The following ZNF841 variants were observed in gnomAD, a reference collection of about 807,000 sequenced individuals.
ZNF841 encodes the protein TCONS_00006091.
Under a neutral mutation model 13.0 loss-of-function variants are expected in ZNF841, and 11 were observed. That is an observed-to-expected ratio of 0.85 (90% CI 0.53 to 1.40). ZNF841 has a LOEUF of 1.40. ZNF841 is among the 40% of genes most tolerant of loss of function. The pLI, the probability that ZNF841 is intolerant of heterozygous loss-of-function variation, is 0.00. For synonymous variants in ZNF841, 369 were observed against 381.6 expected, an observed-to-expected ratio of 0.97 and a Z score of 0.38; for missense variants, 1,068 against 1,139.5, an observed-to-expected ratio of 0.94 and a Z score of 0.90.
Position 52,064,907 on chromosome 19 carries a change from T to C in ZNF841, c.*200A>G. 8 of 404,726 alleles carry C rather than the reference T, an allele frequency of 2.0e-5. No homozygotes were observed. The highest frequency in any genetic ancestry group is 3.5e-5 in the Non-Finnish European group (8 of 229,126). 25.1% of individuals were successfully genotyped at this position (404,726 alleles called of 1,614,324 possible). On this transcript the variant is annotated 3_prime_UTR_variant, in exon 7 of 7. Coordinates refer to ENST00000594440, the MANE Select transcript of ZNF841 (RefSeq NM_001136499.2). ...CCTCAGCCTCCCAAAGTGCTGGGAT[T>C]ACAGGCATGAGCCAGACCTCATGAG...
At position 52,076,109 on chromosome 19, in the gene ZNF841, A is replaced by G. The variant is rs372086918; in HGVS notation, c.206T>C (p.Val69Ala). 4.9e-5 allele frequency: 76 copies of G among 1,556,664 alleles called. No homozygotes were observed. Among genetic ancestry groups the G allele is most frequent in the Non-Finnish European group, 6.2e-5 (71 of 1,149,524 alleles). ...CCTCGCTATTTTCACTTGGCTCACC[A>G]CAGTCCAGGGCTCTTTCCCTTGCTC... ...MLEQGKEPWT[V>A]VSQVKIARNP... is the part of the protein sequence containing the mutation. Residue 69 changes from valine to alanine, a missense_variant, in exon 6 of 7, where the codon GTG becomes GCG. Physicochemically the swap from Val to Ala is moderately conservative, Grantham distance 64. Coordinates refer to ENST00000594440, the MANE Select transcript of ZNF841 (RefSeq NM_001136499.2).
intron 4 of ZNF841, among the ~76,000 whole-genome samples, chr19:52,078,700 GAAA>G (rs57446208): frequency 1.4e-4 from 15 of 104,568 alleles, no homozygotes; most frequent in Admixed American, 3.0e-4. Flanking sequence ...CTCCATCTCG[GAAA>G]AAAAAAAAAA....
chr19:52,064,374 A>C (rs1461823735), downstream of ZNF841: 1 of 148,824 alleles, frequency 6.7e-6, no homozygotes, highest in Non-Finnish European at 1.5e-5. Flanking sequence ...AAAAAAAAAA[A>C]AAAAAAAAAA....
At chr19:52,074,543 G>A (rs2087834867) in intron 6 of ZNF841, among the ~76,000 whole-genome samples, 1 of 149,800 alleles carries the variant, frequency 6.7e-6, no homozygotes, top group African/African-American at 2.5e-5. Flanking sequence ...TTGAGACAAA[G>A]TCTCGCTCTT....
chr19:52,064,967 TA>T lies in ZNF841; in HGVS notation c.*139del. ...AAGGACAGCAACAAGGGGATGGTACTAAAACTTTCTTGAGAAAGCCACCCCC... is the reference window on the plus strand; with the variant it reads ...AAGGACAGCAACAAGGGGATGGTACTAAACTTTCTTGAGAAAGCCACCCCC... On this transcript the variant is annotated 3_prime_UTR_variant, in exon 7 of 7. Coordinates refer to ENST00000594440, the MANE Select transcript of ZNF841 (RefSeq NM_001136499.2). The T allele has an allele frequency of 1.4e-6, 1 of 694,106 alleles. No individual in the cohort carries two copies. Among genetic ancestry groups the T allele is most frequent in the Non-Finnish European group, 2.3e-6 (1 of 432,542 alleles). The allele number at this position is 694,106 out of a possible 1,614,324, so 43.0% of individuals were successfully genotyped here. A position where few individuals can be genotyped will look rare whatever the true frequency, so the allele number is the denominator to read the frequency against.
downstream of ZNF841, among the ~76,000 whole-genome samples, chr19:52,063,419 G>A (rs574710749): frequency 2.1e-4 from 32 of 151,984 alleles, no homozygotes; most frequent in African/African-American, 4.6e-4. Context: ...GCGCAATCTC[G>A]GCTTACAGCA....
At position 52,065,640 on chromosome 19, in the gene ZNF841, A is replaced by G. The variant is rs190064820; in HGVS notation, c.2242T>C (p.Ser748Pro). ...KCIECGKVFN[S>P]TTTLARHRRI... ...CGATGCCTTGCCAGGGTTGTAGTGG[A>G]GTTAAAGACTTTCCCACATTCAATA... Residue 748 changes from serine (S) to proline (P), a missense_variant, in exon 7 of 7, where the codon TCC becomes CCC. Ser to Pro is a moderately conservative substitution (Grantham distance 74). Coordinates refer to ENST00000594440, the MANE Select transcript of ZNF841 (RefSeq NM_001136499.2). The G allele has an allele frequency of 5.6e-6, 9 of 1,608,074 alleles. No individual in the cohort carries two copies. Among genetic ancestry groups the G allele is most frequent in the Non-Finnish European group, 7.6e-6 (9 of 1,177,004 alleles).
rs186158195 is a variant in ZNF841 at position 52,089,366 on chromosome 19, G to A, written c.-143-364C>T. ...TATGAAGAAAATCATTAATGAGCCAGGCATGATTGCTCACCCCTGTAATCC... is the reference window on the plus strand; with the variant it reads ...TATGAAGAAAATCATTAATGAGCCAAGCATGATTGCTCACCCCTGTAATCC... On this transcript the variant is annotated intron_variant, in intron 2 of 6. Coordinates refer to ENST00000594440, the MANE Select transcript of ZNF841 (RefSeq NM_001136499.2). 5.3e-5 allele frequency among the ~76,000 whole-genome samples: 8 copies of A among 152,270 alleles called. No homozygotes were observed. The East Asian group carries it at 1.5e-3, about 29-fold the overall frequency.
chr19:52,088,724 T>G (rs1431176969), intron 3 of ZNF841, among the ~76,000 whole-genome samples: 1 of 152,206 alleles, frequency 6.6e-6, no homozygotes, highest in Non-Finnish European at 1.5e-5. Flanking sequence ...ATCATCTCCA[T>G]GTGAACTGTT....
chr19:52,066,961 A>G lies in ZNF841; in HGVS notation c.921T>C (p.His307=). 1 of 1,614,124 alleles carries G rather than the reference A, an allele frequency of 6.2e-7. No individual in the cohort carries two copies. The highest frequency in any genetic ancestry group is 8.5e-7 in the Non-Finnish European group (1 of 1,180,010). Residue 307 remains histidine (H), a synonymous_variant, in exon 7 of 7, where the codon CAT becomes CAC. Transcript: ENST00000594440. ...GTTTCCCTCTTGTATGGACTATCTGATGTACTGTTAGTAGTGAGCCCCGAT... is the reference window on the plus strand; with the variant it reads ...GTTTCCCTCTTGTATGGACTATCTGGTGTACTGTTAGTAGTGAGCCCCGAT... ...AFHRGSLLTV[H]QIVHTRGKPY... is the part of the protein sequence containing the mutation.
downstream of ZNF841, among the ~76,000 whole-genome samples, chr19:52,061,877 T>C (rs1338888388): frequency 6.6e-6 from 1 of 152,072 alleles, no homozygotes; most frequent in Middle Eastern, 3.2e-3. Context: ...GCCACTTGTC[T>C]CTAAGGGTGA....
At chr19:52,073,897 T>C (rs8105565) in intron 6 of ZNF841, among the ~76,000 whole-genome samples, 2,041 of 152,248 alleles carry the variant, frequency 0.013, 45 homozygotes, top group African/African-American at 0.047. Flanking sequence ...AGAAAAGCAA[T>C]GTATGTTATA....
At chr19:52,069,049 G>C (rs1325678714) in intron 6 of ZNF841, among the ~76,000 whole-genome samples, 1 of 152,146 alleles carries the variant, frequency 6.6e-6, no homozygotes, top group Non-Finnish European at 1.5e-5. Context: ...ACAAACAACA[G>C]AGCAAGTCCC....
At chr19:52,060,207 C>T (rs551471520), downstream of ZNF841, among the ~76,000 whole-genome samples, 2 of 152,238 alleles carry the variant, frequency 1.3e-5, no homozygotes, top group East Asian at 3.8e-4. Context: ...ACCTAAACAA[C>T]TTGCAGTCAA....
In ZNF841 at chr19:52,079,821, G is replaced by A. The variant is rs145577028; in HGVS notation, c.16-2737C>T. On this transcript the variant is annotated intron_variant, in intron 4 of 6. Transcript: ENST00000594440. The stretch of plus-strand genomic sequence containing the variant: ...AGCCTGACCAACATGGAGAAATCCC[G>A]TCTCTACTAAAAATACAAAATTAGC... Among the ~76,000 whole-genome samples, 573 of 151,868 alleles carry A rather than the reference G, an allele frequency of 3.8e-3. 2 individuals are homozygous for A. Among genetic ancestry groups the A allele is most frequent in the Non-Finnish European group, 6.1e-3 (411 of 67,918 alleles).
chr19:52,093,213 TG>T (rs1261621936), intron 2 of ZNF841, among the ~76,000 whole-genome samples: 1 of 152,208 alleles, frequency 6.6e-6, no homozygotes, highest in Non-Finnish European at 1.5e-5. Flanking sequence ...TGCCCATCCA[TG>T]AATAAATATG....
downstream of ZNF841, chr19:52,064,347 C>G (rs1470138773): frequency 1.3e-5 from 1 of 76,318 alleles, no homozygotes; most frequent in African/African-American, 4.6e-5. Flanking sequence ...AGCGAGACTC[C>G]GTCTCCAAAA....
chr19:52,079,932 G>A (rs148847941), intron 4 of ZNF841, among the ~76,000 whole-genome samples: 111 of 151,144 alleles, frequency 7.3e-4, no homozygotes, highest in African/African-American at 2.6e-3. Flanking sequence ...CGGAGGTTGC[G>A]GTGAGCTGAG....
chr19:52,083,047 T>A (rs1005397830), intron 4 of ZNF841, among the ~76,000 whole-genome samples: 1 of 148,298 alleles, frequency 6.7e-6, no homozygotes, highest in Admixed American at 6.8e-5. Context: ...GTCACTGCAC[T>A]CCAGCCTGGG....
Sources: allele counts gnomAD v4.1 joint callset (sites outside exome capture counted in the v4.1 genomes callset), GRCh38; gene constraint gnomAD v4.1.1; transcripts MANE v1.5; gene names NCBI Gene and HGNC (gene_info 2026-07-23, HGNC 2026-07-21).